DNAJB6: variants seen among roughly 807,000 people sequenced by gnomAD.
DNAJB6 encodes the protein dnaJ homolog subfamily B member 6.
In DNAJB6, 16 loss-of-function variants were observed where a neutral mutation model predicts 42.7. The ratio of observed to expected loss-of-function variants is 0.37; its 90% CI spans 0.25 to 0.57. The LOEUF is 0.57. DNAJB6 is among the 20% of genes least tolerant of loss of function. The pLI is 0.74. For synonymous variants in DNAJB6, 170 were observed against 163.5 expected, an observed-to-expected ratio of 1.04 and a Z score of -0.30; for missense variants, 347 against 416.8, an observed-to-expected ratio of 0.83 and a Z score of 1.46.
chr7:157,405,142 G>A (rs977183929), intron 8 of DNAJB6, among the ~76,000 whole-genome samples: 2 of 152,216 alleles, frequency 1.3e-5, no homozygotes, highest in African/African-American at 4.8e-5. Context: ...CCTCCCACAT[G>A]TGGGACGCGG....
At chr7:157,362,766 A>G (rs1799668010) in intron 2 of DNAJB6, among the ~76,000 whole-genome samples, 1 of 152,126 alleles carries the variant, frequency 6.6e-6, no homozygotes, top group South Asian at 2.1e-4. Context: ...GTTCGTTTGT[A>G]TTATGCTATC....
chr7:157,349,696 G>A (rs1798871343), intron 1 of DNAJB6, among the ~76,000 whole-genome samples: 1 of 152,162 alleles, frequency 6.6e-6, no homozygotes, highest in African/African-American at 2.4e-5. Flanking sequence ...CCAGGCTGGA[G>A]TGCAGTGGCA....
At chr7:157,384,744 T>G in intron 6 of DNAJB6, 123 bp from the exon 7 acceptor site, 1 of 964,670 alleles carries the variant, frequency 1.0e-6, no homozygotes, top group Non-Finnish European at 1.6e-6. Flanking sequence ...AGTTGCGTCG[T>G]TTATTACTCC....
At chr7:157,370,219 C>G (rs772532724) in intron 5 of DNAJB6, among the ~76,000 whole-genome samples, 58 of 150,092 alleles carry the variant, frequency 3.9e-4, no homozygotes, top group Non-Finnish European at 7.1e-4. Context: ...GAGGCCCTTT[C>G]TTCACATTAT....
intron 5 of DNAJB6, chr7:157,369,353 T>G (rs1226892362): frequency 4.4e-6 from 2 of 456,622 alleles, no homozygotes; most frequent in African/African-American, 4.0e-5. Flanking sequence ...CATTTGTTGC[T>G]TTGCAGGACA....
At position 157,409,786 on chromosome 7, in the gene DNAJB6, T is replaced by C; in HGVS notation, c.692-9T>C. 5 of 1,520,282 alleles carry C rather than the reference T, an allele frequency of 3.3e-6. No homozygotes were observed. Among genetic ancestry groups the C allele is most frequent in the Non-Finnish European group, 4.4e-6 (5 of 1,136,364 alleles). The allele number at this position is 1,520,282 out of a possible 1,614,324, so 94.2% of individuals were successfully genotyped here. The stretch of plus-strand genomic sequence containing the variant: ...ACTCACGGCTCTCTCTCTCCCGCTG[T>C]GCCTGCAGGTGTGGCCGACGACGAT... On this transcript the variant is annotated splice_polypyrimidine_tract_variant and intron_variant, in intron 8 of 9. Transcript: ENST00000262177.
At chr7:157,337,307 G>T (rs947334456) in intron 1 of DNAJB6, among the ~76,000 whole-genome samples, 163 bp downstream of exon 1, 1 of 151,818 alleles carries the variant, frequency 6.6e-6, no homozygotes, top group Non-Finnish European at 1.5e-5. Context: ...GGGTTGCGGG[G>T]CGAAGGGTGG....
At chr7:157,391,434 C>A (rs1801337498) in intron 8 of DNAJB6, among the ~76,000 whole-genome samples, 1 of 151,774 alleles carries the variant, frequency 6.6e-6, no homozygotes, top group East Asian at 1.9e-4. Flanking sequence ...TTTCCGTGTC[C>A]ATGGGTCAGT....
At chr7:157,409,695 A>G in intron 8 of DNAJB6, 100 bp from the exon 9 acceptor site, 1 of 1,320,094 alleles carries the variant, frequency 7.6e-7, no homozygotes, top group Admixed American at 2.6e-5. Flanking sequence ...GCGCGTCTGG[A>G]TTCAGGGAGA....
chr7:157,387,819 G>C (rs1801147112), intron 8 of DNAJB6, among the ~76,000 whole-genome samples: 1 of 151,884 alleles, frequency 6.6e-6, no homozygotes, highest in Non-Finnish European at 1.5e-5. Flanking sequence ...ATTTGTACTT[G>C]GGAAAACTAC....
intron 1 of DNAJB6, among the ~76,000 whole-genome samples, chr7:157,341,528 C>T (rs1171929478): frequency 6.6e-6 from 1 of 152,144 alleles, no homozygotes; most frequent in Non-Finnish European, 1.5e-5. Context: ...TTTCTACTTA[C>T]CTTTTGCCAC....
chr7:157,392,115 AAAG>A (rs1457344085), intron 8 of DNAJB6, among the ~76,000 whole-genome samples: 3 of 151,216 alleles, frequency 2.0e-5, no homozygotes, highest in Non-Finnish European at 4.4e-5. Context: ...AAAAAAAAAA[AAAG>A]GATAGTCATA....
intron 5 of DNAJB6, among the ~76,000 whole-genome samples, chr7:157,376,936 C>T (rs757967988): frequency 6.6e-6 from 1 of 152,098 alleles, no homozygotes; most frequent in Non-Finnish European, 1.5e-5. Context: ...GGCAGGACAG[C>T]TCAAAGCAGG....
intron 5 of DNAJB6, among the ~76,000 whole-genome samples, chr7:157,370,153 C>T (rs185913015): frequency 1.2e-4 from 17 of 138,794 alleles, no homozygotes; most frequent in Admixed American, 9.3e-4. Flanking sequence ...GATTATTAAA[C>T]GGGCCCCTTC....
At chr7:157,393,985 T>C (rs936921516) in intron 8 of DNAJB6, among the ~76,000 whole-genome samples, 1 of 152,222 alleles carries the variant, frequency 6.6e-6, no homozygotes, top group Non-Finnish European at 1.5e-5. Flanking sequence ...TTCTTTACAT[T>C]TGTCCGTGTC....
At chr7:157,363,509 T>A (rs982101022) in intron 3 of DNAJB6, among the ~76,000 whole-genome samples, 1 of 152,174 alleles carries the variant, frequency 6.6e-6, no homozygotes, top group African/African-American at 2.4e-5. Flanking sequence ...GATGGCTGTT[T>A]TAAAAGCGGG....
intron 8 of DNAJB6, chr7:157,386,281 T>G (rs949416632): frequency 1.3e-5 from 13 of 983,138 alleles, no homozygotes; most frequent in Admixed American, 6.2e-5. Context: ...AAAAAGAAAA[T>G]AAATGCGAAT....
intron 8 of DNAJB6, among the ~76,000 whole-genome samples, chr7:157,391,858 C>T (rs1398843744): frequency 6.6e-6 from 1 of 152,008 alleles, no homozygotes; most frequent in East Asian, 1.9e-4. Flanking sequence ...TCCCAGTGCT[C>T]TGGGAGGCTG....
At chr7:157,375,794 C>T (rs941272696) in intron 5 of DNAJB6, among the ~76,000 whole-genome samples, 8 of 152,252 alleles carry the variant, frequency 5.3e-5, no homozygotes, top group African/African-American at 1.9e-4. Context: ...GGAAGTCTGT[C>T]TTTCATGCTT....
Sources: gnomAD v4.1 joint callset for allele counts (sites outside exome capture counted in the v4.1 genomes callset) on GRCh38, gnomAD v4.1.1 for gene constraint, MANE v1.5 for transcripts, NCBI Gene and HGNC (gene_info 2026-07-23, HGNC 2026-07-21) for gene names.